INSL6: variants seen among roughly 807,000 people sequenced by gnomAD.
INSL6 encodes insulin-like peptide INSL6.
A neutral mutation model predicts 9.4 loss-of-function variants in INSL6; 16 were observed. The observed-to-expected ratio is 1.70, with a 90% CI of 1.15 to 2.59. The LOEUF is 2.59. INSL6 is among the 30% of genes most tolerant of loss of function. The pLI, the probability that INSL6 is intolerant of heterozygous loss-of-function variation, is 0.00. For synonymous variants in INSL6, 154 were observed against 96.9 expected, an observed-to-expected ratio of 1.59 and a Z score of -3.46; for missense variants, 391 against 257.3, an observed-to-expected ratio of 1.52 and a Z score of -3.56.
the INSL6 span, chr9:5,090,669 T>G: frequency 1.3e-6 from 2 of 1,523,222 alleles, no homozygotes; most frequent in South Asian, 2.6e-5. Context: ...AAAGGGAATA[T>G]ATAGGGTTAA....
the INSL6 span, among the ~76,000 whole-genome samples, chr9:4,992,133 A>G: frequency 6.6e-6 from 1 of 152,126 alleles, no homozygotes; most frequent in African/African-American, 2.4e-5. Flanking sequence ...AAGGCAAAGG[A>G]CTGGAATCAT....
chr9:5,138,400 C>T (rs1381890008), intron 2 of INSL6, among the ~76,000 whole-genome samples: 2 of 152,140 alleles, frequency 1.3e-5, no homozygotes, highest in Non-Finnish European at 2.9e-5. Flanking sequence ...TACTGTGCAG[C>T]CATCAACAAG....
At chr9:5,153,878 G>A (rs572601495) in intron 2 of INSL6, among the ~76,000 whole-genome samples, 25 of 152,284 alleles carry the variant, frequency 1.6e-4, no homozygotes, top group Middle Eastern at 3.4e-3. Flanking sequence ...AATCAATATC[G>A]TCAAAATGGC....
chr9:5,185,100 C>T (rs1825538753), intron 1 of INSL6, among the ~76,000 whole-genome samples: 1 of 152,048 alleles, frequency 6.6e-6, no homozygotes, highest in South Asian at 2.1e-4. Context: ...AATATGTAGA[C>T]TTACAAGTGT....
At chr9:5,012,085 C>T in the INSL6 span, among the ~76,000 whole-genome samples, 1 of 152,286 alleles carries the variant, frequency 6.6e-6, no homozygotes, top group East Asian at 1.9e-4. Context: ...CCCACTGACT[C>T]CCATTTTCCT....
the INSL6 span, among the ~76,000 whole-genome samples, chr9:4,992,451 G>T: frequency 0.056 from 8,453 of 152,186 alleles, 636 homozygotes; most frequent in African/African-American, 0.18. Context: ...AGAAAAACAT[G>T]TGAGATGGGA....
the INSL6 span, among the ~76,000 whole-genome samples, chr9:5,116,052 TATA>T: frequency 6.6e-6 from 1 of 151,956 alleles, no homozygotes; most frequent in Admixed American, 6.6e-5. Context: ...AAACTTAAAG[TATA>T]ATAAAATTTA....
intron 1 of INSL6, 120 bp downstream of exon 1, chr9:5,185,194 A>G: frequency 1.6e-6 from 2 of 1,240,860 alleles, no homozygotes; most frequent in Non-Finnish European, 1.2e-6. Flanking sequence ...ACAATTTTTT[A>G]AAGAGCTGTG....
chr9:5,038,466 GAAGAA>G, the INSL6 span, among the ~76,000 whole-genome samples: 3 of 152,150 alleles, frequency 2.0e-5, no homozygotes, highest in South Asian at 2.1e-4. Flanking sequence ...AAGATGTCTA[GAAGAA>G]AAGAAAACTA....
intron 3 of INSL6, chr9:5,126,791 A>C: frequency 1.3e-6 from 2 of 1,588,858 alleles, no homozygotes; most frequent in Non-Finnish European, 1.7e-6. Flanking sequence ...TGGCTGGATG[A>C]AAGAAATGAC....
intron 3 of INSL6, chr9:5,127,846 T>G (rs1172774783): frequency 4.3e-6 from 1 of 232,468 alleles, no homozygotes; most frequent in African/African-American, 2.2e-5. Flanking sequence ...TGCATTGCAG[T>G]CATAGAAGAG....
chr9:5,054,979 C>G, the INSL6 span: 1 of 866,740 alleles, frequency 1.2e-6, no homozygotes, highest in Non-Finnish European at 1.7e-6. This position sits in a 1 kb window ranked among gnomAD's most constrained non-coding sequence, Gnocchi z 4.9. Context: ...TGGTATTGCA[C>G]TTCTCCCATT....
At chr9:5,177,854 T>C (rs1281613615) in intron 1 of INSL6, among the ~76,000 whole-genome samples, 3 of 152,108 alleles carry the variant, frequency 2.0e-5, no homozygotes, top group African/African-American at 7.2e-5. Flanking sequence ...TGCCAGACTG[T>C]GGCCAGACTG....
chr9:5,152,317 TATTA>T (rs1824727948), intron 2 of INSL6, among the ~76,000 whole-genome samples: 2 of 152,148 alleles, frequency 1.3e-5, no homozygotes, highest in African/African-American at 4.8e-5. Context: ...TACCACAAAT[TATTA>T]TTTATGGAAC....
intron 1 of INSL6, among the ~76,000 whole-genome samples, chr9:5,169,647 C>T (rs183551712): frequency 1.6e-4 from 25 of 152,182 alleles, no homozygotes; most frequent in African/African-American, 5.5e-4. Context: ...CAAAGACACA[C>T]ATAGACTCAA....
At chr9:5,035,889 G>T in the INSL6 span, among the ~76,000 whole-genome samples, 1 of 152,168 alleles carries the variant, frequency 6.6e-6, no homozygotes, top group Non-Finnish European at 1.5e-5. Context: ...AGGGCAGTCA[G>T]GCTGGAGAAG....
At chr9:5,128,672 G>C (rs1824157505) in intron 3 of INSL6, among the ~76,000 whole-genome samples, 2 of 151,908 alleles carry the variant, frequency 1.3e-5, no homozygotes, top group Admixed American at 1.3e-4. Context: ...CTTGTTTTTA[G>C]AATGGGGTGA....
chr9:5,070,392 G>A, the INSL6 span, among the ~76,000 whole-genome samples: 8 of 151,882 alleles, frequency 5.3e-5, no homozygotes, highest in Admixed American at 3.3e-4. Context: ...AAATAAAGAA[G>A]AAACTGAGAA....
chr9:5,148,751 C>G (rs2130893039), intron 2 of INSL6, among the ~76,000 whole-genome samples: 1 of 152,206 alleles, frequency 6.6e-6, no homozygotes, highest in East Asian at 1.9e-4. Context: ...TCGTGGCTCC[C>G]TTTTCCAGAC....
Sources: gnomAD v4.1 joint callset for allele counts (sites outside exome capture counted in the v4.1 genomes callset) on GRCh38, gnomAD v4.1.1 for gene constraint, Gnocchi (gnomAD v3.1) non-coding constraint, MANE v1.5 for transcripts, NCBI Gene and HGNC (gene_info 2026-07-23, HGNC 2026-07-21) for gene names.